C12orf56: variants seen among roughly 807,000 people sequenced by gnomAD.
C12orf56 encodes chromosome 12 open reading frame 56.
A neutral mutation model predicts 69.9 loss-of-function variants in C12orf56; 71 were observed. That is an observed-to-expected ratio of 1.02 (90% CI 0.84 to 1.24). C12orf56 has a LOEUF of 1.24. Ranked by LOEUF, C12orf56 falls within the 50% of genes most tolerant of loss-of-function variation. The pLI, the probability that C12orf56 is intolerant of heterozygous loss-of-function variation, is 0.00. For synonymous variants in C12orf56, 276 were observed against 274.1 expected (o/e 1.01, Z -0.07); for missense variants, 732 against 738.5 (o/e 0.99, Z 0.10).
In C12orf56 at chr12:64,284,579, A is replaced by C. The variant is rs2038174652; in HGVS notation, c.1310+85T>G. ...GAAGGGTGTTGAACAGGGAAGTTGG[A>C]GAATTATGTGCTTTGGAAGACACTT... On this transcript the variant is annotated intron_variant, in intron 8 of 12. Coordinates refer to ENST00000543942, the MANE Select transcript of C12orf56 (RefSeq NM_001170633.2). 7.6e-6 allele frequency: 7 copies of C among 923,074 alleles called. No homozygotes were observed. The South Asian group carries it at 1.3e-4, about 17-fold the overall frequency. The allele number at this position is 923,074 out of a possible 1,614,324, so 57.2% of individuals were successfully genotyped here.
chr12:64,353,694 G>A (rs2039264995), intron 1 of C12orf56, among the ~76,000 whole-genome samples: 1 of 151,772 alleles, frequency 6.6e-6, no homozygotes. Flanking sequence ...TTTATTTTTT[G>A]TTGTTGAGAT....
rs570640777 is a variant in C12orf56 at position 64,305,960 on chromosome 12, G to GT, written c.969-2182dup. Among the ~76,000 whole-genome samples the GT allele has an allele frequency of 6.4e-4, 97 of 152,260 alleles. 1 individual carries two copies. Among genetic ancestry groups the GT allele is most frequent in the Non-Finnish European group, 9.6e-4 (65 of 68,022 alleles). ...GAATTATTTTGAAATTGATTTTCCTGTTTTTTCATTTGGAGTCAGCAATTT... is the reference window on the plus strand; with the variant it reads ...GAATTATTTTGAAATTGATTTTCCTGTTTTTTTCATTTGGAGTCAGCAATTT... On this transcript the variant is annotated intron_variant, in intron 5 of 12. Transcript: ENST00000543942.
chr12:64,312,643 C>A, intron 5 of C12orf56, 36 bp downstream of exon 5: 1 of 1,448,490 alleles, frequency 6.9e-7, no homozygotes, highest in South Asian at 1.2e-5. Flanking sequence ...GAGAAAAATT[C>A]CCCATGCAAC....
At chr12:64,322,290 T>G (rs901906050) in intron 3 of C12orf56, among the ~76,000 whole-genome samples, 15 of 152,230 alleles carry the variant, frequency 9.9e-5, no homozygotes, top group Middle Eastern at 3.4e-3. Flanking sequence ...ACTAGATAAT[T>G]TCTATTCATC....
chr12:64,334,380 C>T (rs1200539607), intron 2 of C12orf56, among the ~76,000 whole-genome samples: 1 of 152,094 alleles, frequency 6.6e-6, no homozygotes, highest in African/African-American at 2.4e-5. Context: ...CCCTTAGTAT[C>T]CATGGAAAAT....
chr12:64,279,704 T>C (rs2038098787), intron 8 of C12orf56, among the ~76,000 whole-genome samples: 1 of 152,178 alleles, frequency 6.6e-6, no homozygotes, highest in Non-Finnish European at 1.5e-5. Flanking sequence ...AGTCTAGTTC[T>C]TATATTTGGA....
In C12orf56 at chr12:64,390,450, C is replaced by G; in HGVS notation, c.116G>C (p.Cys39Ser). ...GTTCTCAGAGTTGGACACCACGATG[C>G]ATGGCTCGTAGGCGCGGACCGCGTC... ...VYDAVRAYEPCIVVSNSENHI... is the reference protein window; with the variant it reads ...VYDAVRAYEPSIVVSNSENHI... The change falls in exon 1 of 13, where the codon TGC becomes TCC. Residue 39 changes from cysteine to serine, a missense_variant. Coordinates refer to ENST00000543942, the MANE Select transcript of C12orf56 (RefSeq NM_001170633.2). 1.2e-6 allele frequency: 2 copies of G among 1,610,790 alleles called. No individual in the cohort carries two copies. Among genetic ancestry groups the G allele is most frequent in the Non-Finnish European group, 1.7e-6 (2 of 1,179,724 alleles).
At chr12:64,267,339 TCA>T in intron 12 of C12orf56, 51 bp from the exon 13 acceptor site, 1 of 1,371,902 alleles carries the variant, frequency 7.3e-7, no homozygotes, top group Non-Finnish European at 1.0e-6. Flanking sequence ...ACAAGAATTT[TCA>T]CATTGGTCAC....
intron 8 of C12orf56, among the ~76,000 whole-genome samples, chr12:64,280,695 C>T (rs2038110442): frequency 6.6e-6 from 1 of 151,980 alleles, no homozygotes; most frequent in African/African-American, 2.4e-5. Flanking sequence ...TCAGGTGAGC[C>T]CCGAAAAAGA....
At chr12:64,355,657 T>G (rs779719697) in intron 1 of C12orf56, 6 of 152,206 alleles carry the variant, frequency 3.9e-5, no homozygotes, top group Non-Finnish European at 7.3e-5. Context: ...TAGATAATCA[T>G]CAGACACCAA....
Position 64,353,057 on chromosome 12 carries a change from C to G in C12orf56, c.253-1G>C, listed in dbSNP as rs1592480050. ...TCAAAAATTCCGGGTAATCATCAAT[C>G]TGGAAAAAAAATTAATTCACCTCAT... On this transcript the variant is annotated splice_acceptor_variant, in intron 1 of 12. Transcript: ENST00000543942. LOFTEE classifies it high-confidence loss of function. 2 of 1,608,004 alleles carry G rather than the reference C, an allele frequency of 1.2e-6. No individual in the cohort carries two copies. The highest frequency in any genetic ancestry group is 1.7e-6 in the Non-Finnish European group (2 of 1,178,216).
chr12:64,324,141 A>G (rs1200890577), intron 3 of C12orf56, among the ~76,000 whole-genome samples: 1 of 152,234 alleles, frequency 6.6e-6, no homozygotes, highest in Non-Finnish European at 1.5e-5. Context: ...CACTCCCACA[A>G]GCCAATATTA....
intron 8 of C12orf56, among the ~76,000 whole-genome samples, chr12:64,279,348 G>T (rs139657502): frequency 1.8e-4 from 27 of 152,270 alleles, no homozygotes; most frequent in African/African-American, 5.5e-4. Flanking sequence ...GGTTAATAAC[G>T]CTATCTCCTC....
intron 4 of C12orf56, among the ~76,000 whole-genome samples, chr12:64,317,383 A>G (rs2038702456): frequency 6.6e-6 from 1 of 152,190 alleles, no homozygotes; most frequent in Admixed American, 6.5e-5. Flanking sequence ...CTTATTTTTT[A>G]AATGAATTCT....
chr12:64,383,567 G>A (rs2039750216), intron 1 of C12orf56, among the ~76,000 whole-genome samples: 1 of 151,938 alleles, frequency 6.6e-6, no homozygotes, highest in Non-Finnish European at 1.5e-5. Flanking sequence ...CATAGAAACG[G>A]GGTTTCACCA....
At chr12:64,267,356 G>A (rs2037929632) in intron 12 of C12orf56, 68 bp from the exon 13 acceptor site, 15 of 1,216,568 alleles carry the variant, frequency 1.2e-5, no homozygotes, top group Non-Finnish European at 1.8e-5. Flanking sequence ...GGTCACTTGA[G>A]TACATTCACA....
chr12:64,330,096 C>T (rs1157327905), intron 3 of C12orf56, among the ~76,000 whole-genome samples: 2 of 152,122 alleles, frequency 1.3e-5, no homozygotes, highest in African/African-American at 4.8e-5. Context: ...CCTGAGGACT[C>T]GCCACACTGA....
chr12:64,385,082 T>C (rs547375468), intron 1 of C12orf56, among the ~76,000 whole-genome samples: 17 of 151,894 alleles, frequency 1.1e-4, no homozygotes, highest in African/African-American at 3.6e-4. Context: ...TGTCTAACCT[T>C]AGAAGGGCTT....
chr12:64,364,200 T>A (rs1469007721), intron 1 of C12orf56, among the ~76,000 whole-genome samples: 1 of 151,980 alleles, frequency 6.6e-6, no homozygotes, highest in Non-Finnish European at 1.5e-5. Context: ...GTAGTCCCAG[T>A]TACTTGTGGG....
Sources: allele counts gnomAD v4.1 joint callset (sites outside exome capture counted in the v4.1 genomes callset), GRCh38; gene constraint gnomAD v4.1.1; transcripts MANE v1.5; gene names NCBI Gene and HGNC (gene_info 2026-07-23, HGNC 2026-07-21).